The following ACER2 variants were observed in gnomAD, a reference collection of about 807,000 sequenced individuals.
ACER2 encodes the protein alkCDase 2.
A neutral mutation model predicts 34.7 loss-of-function variants in ACER2; 26 were observed. The observed-to-expected ratio is 0.75, with a 90% CI of 0.55 to 1.04. The LOEUF is 1.04. Among genes scored for constraint, ACER2 ranks in the 50% least tolerant of loss-of-function variants. The probability of loss-of-function intolerance (pLI) is 0.00; values close to 1 mark genes in which losing one functional copy is unlikely to be tolerated. For synonymous variants in ACER2, 138 were observed against 132.1 expected (o/e 1.04, Z -0.31); for missense variants, 352 against 340.8 (o/e 1.03, Z -0.26).
At chr9:19,415,062 C>T (rs10118371) in intron 1 of ACER2, among the ~76,000 whole-genome samples, 21,894 of 152,066 alleles carry the variant, frequency 0.14, 1,648 homozygotes, top group South Asian at 0.25. Context: ...CATATGTTGA[C>T]GTCTTTAAAA....
chr9:19,446,474 TG>T lies in ACER2; in HGVS notation c.641+59del, dbSNP rs1314843308. On this transcript the variant is annotated intron_variant, in intron 5 of 5. Transcript: ENST00000340967. ...GGACAGGTGTGTTTGCACTTGCTGTTGGGCTCTGTTCACCCTGCAAGTGGTG... is the reference window on the plus strand; with the variant it reads ...GGACAGGTGTGTTTGCACTTGCTGTTGGCTCTGTTCACCCTGCAAGTGGTG... 6.2e-6 allele frequency: 10 copies of T among 1,610,266 alleles called. No individual in the cohort carries two copies. The Admixed American group carries it at 1.3e-4, about 22-fold the overall frequency.
At chr9:19,430,569 C>T (rs1459015104) in intron 3 of ACER2, among the ~76,000 whole-genome samples, 1 of 152,170 alleles carries the variant, frequency 6.6e-6, no homozygotes, top group Non-Finnish European at 1.5e-5. Context: ...CTCCCGGCTG[C>T]TTGTGTTCAC....
In ACER2 at chr9:19,440,943, T is replaced by C. The variant is rs183598591; in HGVS notation, c.504-5338T>C. On this transcript the variant is annotated intron_variant, in intron 4 of 5. Transcript: ENST00000340967. ...CTGATTCTCTTCATCATATTTCAAG[T>C]TGCAGAAAAGGGGAGCACCATTTAC... 6.8e-4 allele frequency among the ~76,000 whole-genome samples: 104 copies of C among 152,308 alleles called. 1 individual carries two copies. The highest frequency in any genetic ancestry group is 2.5e-3 in the African/African-American group (103 of 41,578).
intron 3 of ACER2, among the ~76,000 whole-genome samples, chr9:19,434,200 C>A (rs1447850361): frequency 5.9e-5 from 9 of 151,514 alleles, no homozygotes; most frequent in Non-Finnish European, 1.2e-4. Context: ...ACGCTCCTCA[C>A]TTCCTAGATG....
At position 19,424,021 on chromosome 9, in the gene ACER2, A is replaced by T. The variant is rs1589042707; in HGVS notation, c.223+45A>T. The T allele has an allele frequency of 3.5e-6, 5 of 1,428,988 alleles. No homozygotes were observed. In the South Asian group the frequency reaches 5.7e-5, roughly 16 times the overall value. The allele number at this position is 1,428,988 out of a possible 1,614,324, so 88.5% of individuals were successfully genotyped here. On this transcript the variant is annotated intron_variant, in intron 2 of 5. Coordinates refer to ENST00000340967, the MANE Select transcript of ACER2 (RefSeq NM_001010887.3). ...AACACGGACTTAATGGGGTGGTGGG[A>T]TGGGGGTAGAAGGAATTCCACACAC...
At chr9:19,419,637 C>A (rs920755152) in intron 1 of ACER2, among the ~76,000 whole-genome samples, 4 of 152,246 alleles carry the variant, frequency 2.6e-5, no homozygotes, top group African/African-American at 7.2e-5. Context: ...GTGGCAGGCG[C>A]CTGTAATCCC....
intron 5 of ACER2, among the ~76,000 whole-genome samples, chr9:19,448,246 C>T (rs1399362522): frequency 6.6e-6 from 1 of 152,058 alleles, no homozygotes; most frequent in Non-Finnish European, 1.5e-5. Flanking sequence ...CTCCTGGGCT[C>T]GAGCAGGTCC....
chr9:19,444,150 G>A (rs1417916256), intron 4 of ACER2, among the ~76,000 whole-genome samples: 1 of 81,892 alleles, frequency 1.2e-5, no homozygotes, highest in Non-Finnish European at 2.3e-5. Flanking sequence ...GATAGCTGAT[G>A]AGCTAAAAAA....
chr9:19,427,263 A>G (rs1304458494), intron 3 of ACER2, among the ~76,000 whole-genome samples: 7 of 152,226 alleles, frequency 4.6e-5, no homozygotes, highest in Non-Finnish European at 8.8e-5. Context: ...TGGAGAGGAG[A>G]GTTCTGCCTA....
chr9:19,419,171 A>G (rs1830328570), intron 1 of ACER2, among the ~76,000 whole-genome samples: 1 of 152,136 alleles, frequency 6.6e-6, no homozygotes, highest in South Asian at 2.1e-4. Flanking sequence ...AGCCTGGGCA[A>G]CAAGAGCAAA....
chr9:19,410,478 G>A (rs140620849), intron 1 of ACER2, among the ~76,000 whole-genome samples: 82 of 152,320 alleles, frequency 5.4e-4, no homozygotes, highest in African/African-American at 1.9e-3. Context: ...GGGAGGCCAA[G>A]GCAGGTGGAT....
In ACER2 at chr9:19,409,089, G is replaced by T. The variant is rs780328845; in HGVS notation, c.5G>T (p.Gly2Val). The T allele has an allele frequency of 6.3e-7, 1 of 1,585,464 alleles. No homozygotes were observed. The highest frequency in any genetic ancestry group is 2.3e-5 in the East Asian group (1 of 43,622). ...CTCCAATGCCCCGGAGTGGCCATGG[G>T]CGCCCCGCACTGGTGGGACCAGCTG... Reference protein sequence around the residue: MGAPHWWDQLQA... With the variant: MVAPHWWDQLQA... Residue 2 changes from glycine (G) to valine (V), a missense_variant, in exon 1 of 6, where the codon GGC becomes GTC. By Grantham distance (109) the Gly-to-Val change is moderately radical. Transcript: ENST00000340967.
At chr9:19,437,788 C>T (rs1050595379) in intron 4 of ACER2, among the ~76,000 whole-genome samples, 2 of 152,170 alleles carry the variant, frequency 1.3e-5, no homozygotes, top group Non-Finnish European at 1.5e-5. Context: ...TGCTCCTTCA[C>T]GAGGCCTTTC....
chr9:19,446,516 G>A, intron 5 of ACER2, 98 bp downstream of exon 5: 1 of 1,574,364 alleles, frequency 6.4e-7, no homozygotes, highest in Non-Finnish European at 8.6e-7. Flanking sequence ...GTGTCCTGTG[G>A]GTTGCTGGCT....
intron 4 of ACER2, among the ~76,000 whole-genome samples, chr9:19,436,821 G>T (rs1188068885): frequency 6.6e-6 from 1 of 151,850 alleles, no homozygotes; most frequent in African/African-American, 2.4e-5. Flanking sequence ...GTGTATCTTT[G>T]TGCACTTATT....
intron 2 of ACER2, 169 bp from the exon 3 acceptor site, chr9:19,424,531 A>G: frequency 1.0e-6 from 1 of 985,390 alleles, no homozygotes; most frequent in Non-Finnish European, 1.2e-6. Context: ...TCTAGACTGG[A>G]GGCATGCATG....
Position 19,424,317 on chromosome 9 carries a change from G to GTGAA in ACER2, c.223+341_223+342insTGAA, listed in dbSNP as rs1251774541. Reference sequence around the variant, plus strand: ...ATTAAAGAAAAAAATGTAGATGTTTGATCCCTCATTGTTTTGTGAAATACT... The same window carrying GTGAA: ...ATTAAAGAAAAAAATGTAGATGTTTGTGAAATCCCTCATTGTTTTGTGAAATACT... On this transcript the variant is annotated intron_variant, in intron 2 of 5. Transcript: ENST00000340967. 4 of 946,590 alleles carry GTGAA rather than the reference G, an allele frequency of 4.2e-6. No homozygotes were observed. The African/African-American group carries it at 7.1e-5, about 17-fold the overall frequency. The allele number at this position is 946,590 out of a possible 1,614,324, so 58.6% of individuals were successfully genotyped here.
intron 3 of ACER2, among the ~76,000 whole-genome samples, chr9:19,431,820 A>G (rs1011722706): frequency 6.6e-6 from 1 of 152,208 alleles, no homozygotes; most frequent in Non-Finnish European, 1.5e-5. Flanking sequence ...TGGCTTTCGT[A>G]TTTAAAAGAT....
At chr9:19,414,763 T>C (rs1424776611) in intron 1 of ACER2, among the ~76,000 whole-genome samples, 1 of 151,658 alleles carries the variant, frequency 6.6e-6, no homozygotes, top group Admixed American at 6.6e-5. Context: ...CTTTAAAATG[T>C]ACTCCTTGAG....
Sources: gnomAD v4.1 joint callset for allele counts (sites outside exome capture counted in the v4.1 genomes callset) on GRCh38, gnomAD v4.1.1 for gene constraint, MANE v1.5 for transcripts, NCBI Gene and HGNC (gene_info 2026-07-23, HGNC 2026-07-21) for gene names.